The following TIMM9 variants were observed in gnomAD, a reference collection of about 807,000 sequenced individuals.
TIMM9 encodes mitochondrial import inner membrane translocase subunit Tim9.
A neutral mutation model predicts 13.4 loss-of-function variants in TIMM9; 10 were observed. That is an observed-to-expected ratio of 0.75 (90% confidence interval 0.46 to 1.26). The LOEUF (loss-of-function observed/expected upper bound fraction) is 1.26. Among genes scored for constraint, TIMM9 ranks in the 50% most tolerant of loss-of-function variants. The probability of loss-of-function intolerance (pLI) is 0.00; values close to 1 mark genes in which losing one functional copy is unlikely to be tolerated. For synonymous variants in TIMM9, 32 were observed against 32.1 expected (o/e 1.00, Z 0.01); for missense variants, 87 against 100.8 (o/e 0.86, Z 0.58).
chr14:58,420,822 A>G (rs369504217), intron 3 of TIMM9, among the ~76,000 whole-genome samples: 46 of 150,902 alleles, frequency 3.0e-4, no homozygotes, highest in African/African-American at 1.0e-3. Context: ...AACAAGCTAT[A>G]TACCTATCAG....
chr14:58,413,932 G>A lies in TIMM9; in HGVS notation c.-26-1961C>T, dbSNP rs371928742. Among the ~76,000 whole-genome samples the A allele has an allele frequency of 1.0e-3, 150 of 145,554 alleles. 2 individuals are homozygous for A. In the East Asian group the frequency reaches 0.019, roughly 18 times the overall value. ...TGAGGCAGAAGAATGGCGTGAACCC[G>A]GGAGGTGGAGCTTGCAGTGAGCCGA... On this transcript the variant is annotated intron_variant, in intron 3 of 5. Coordinates refer to ENST00000395159, the MANE Select transcript of TIMM9 (RefSeq NM_012460.4).
chr14:58,423,514 CAAAAAAAAAAA>C (rs398025245), intron 3 of TIMM9, among the ~76,000 whole-genome samples: 10 of 66,500 alleles, frequency 1.5e-4, no homozygotes, highest in East Asian at 1.0e-3. Flanking sequence ...GACTTTGTCT[CAAAAAAAAAAA>C]AAAAAAAAAA....
rs1381559108 is a variant in TIMM9, at chr14:58,427,144, C to CA, written c.-206dup. On this transcript the variant is annotated 5_prime_UTR_variant, in exon 2 of 6. Coordinates refer to ENST00000395159, the MANE Select transcript of TIMM9 (RefSeq NM_012460.4). ...TTGGGAGGGAGGGTCAGGGTCTGGA[C>CA]AGGAGCCGCGGCCGCCAGATGGGAA... The CA allele has an allele frequency of 5.8e-6, 1 of 170,998 alleles. No individual in the cohort carries two copies. The highest frequency in any genetic ancestry group is 1.3e-5 in the Non-Finnish European group (1 of 77,840). The allele number at this position is 170,998 out of a possible 1,614,324, so 10.6% of individuals were successfully genotyped here. A position where few individuals can be genotyped will look rare whatever the true frequency, so the allele number is the denominator to read the frequency against.
intron 3 of TIMM9, among the ~76,000 whole-genome samples, chr14:58,420,367 AAC>A (rs1177313326): frequency 6.6e-6 from 1 of 152,204 alleles, no homozygotes; most frequent in East Asian, 1.9e-4. Flanking sequence ...CAGCAGTAAA[AAC>A]ACAAACAATC....
At chr14:58,410,226 A>G (rs556557472) in intron 5 of TIMM9, among the ~76,000 whole-genome samples, 3 of 152,048 alleles carry the variant, frequency 2.0e-5, no homozygotes, top group East Asian at 3.9e-4. Context: ...ATGTACCAAC[A>G]TGTCTAGCTA....
chr14:58,423,053 C>T (rs1253392188), intron 3 of TIMM9, among the ~76,000 whole-genome samples: 1 of 151,944 alleles, frequency 6.6e-6, no homozygotes, highest in Non-Finnish European at 1.5e-5. Context: ...AATCCACCCA[C>T]CTCAGCCTCC....
intron 3 of TIMM9, among the ~76,000 whole-genome samples, chr14:58,417,120 A>T (rs1715881223): frequency 6.6e-6 from 1 of 152,152 alleles, no homozygotes; most frequent in Admixed American, 6.5e-5. Context: ...GCCTTCTGCC[A>T]TCCATGTAAG....
chr14:58,416,543 G>T lies in TIMM9; in HGVS notation c.-26-4572C>A, dbSNP rs1957945. ...ATAGCTACCTAAAATAATCGCTCAA[G>T]TTTCTAAACGAAGAAAATGATAAAA... is the stretch of plus-strand genomic sequence containing the variant. On this transcript the variant is annotated intron_variant, in intron 3 of 5. Transcript: ENST00000395159. Among the ~76,000 whole-genome samples the T allele has an allele frequency of 9.6e-3, 1,469 of 152,268 alleles. 23 individuals carry two copies. The highest frequency in any genetic ancestry group is 0.034 in the African/African-American group (1,397 of 41,550).
chr14:58,419,204 A>G (rs1002176790), intron 3 of TIMM9, among the ~76,000 whole-genome samples: 3 of 152,152 alleles, frequency 2.0e-5, no homozygotes, highest in African/African-American at 7.2e-5. Context: ...CTGTAATCCC[A>G]GCACTTTGGG....
At chr14:58,419,866 A>C (rs534562974) in intron 3 of TIMM9, among the ~76,000 whole-genome samples, 6 of 152,318 alleles carry the variant, frequency 3.9e-5, no homozygotes, top group Admixed American at 2.6e-4. Context: ...GCAGTGAGCC[A>C]AGATTGTGCC....
chr14:58,419,340 A>G (rs756235729), intron 3 of TIMM9, among the ~76,000 whole-genome samples: 2 of 151,932 alleles, frequency 1.3e-5, no homozygotes, highest in Non-Finnish European at 2.9e-5. Context: ...CTGTAGTCCC[A>G]GTTACCTGGG....
At chr14:58,412,204 G>A (rs552251612) in intron 3 of TIMM9, 45 of 357,288 alleles carry the variant, frequency 1.3e-4, no homozygotes, top group Admixed American at 2.5e-4. Flanking sequence ...GCGCAGTGGC[G>A]CCATCTTGGC....
intron 3 of TIMM9, among the ~76,000 whole-genome samples, chr14:58,416,090 T>C (rs1215794217): frequency 6.7e-6 from 1 of 148,762 alleles, no homozygotes; most frequent in Non-Finnish European, 1.5e-5. Flanking sequence ...CAGCTGGCCG[T>C]GGTGGCACAC....
chr14:58,423,779 A>G (rs1047710188), intron 3 of TIMM9: 1 of 152,218 alleles, frequency 6.6e-6, no homozygotes, highest in African/African-American at 2.4e-5. Context: ...TAGTTTCCAT[A>G]TATTACAGCA....
chr14:58,417,800 A>T (rs2036465448), intron 3 of TIMM9, among the ~76,000 whole-genome samples: 1 of 152,208 alleles, frequency 6.6e-6, no homozygotes, highest in South Asian at 2.1e-4. Flanking sequence ...GAAAAAAGAA[A>T]GAGCTAGTTC....
rs2036103394 is a variant in TIMM9, at chr14:58,408,502, C to T, written c.*532G>A. 1.2e-6 allele frequency: 2 copies of T among 1,603,442 alleles called. No homozygotes were observed. Among genetic ancestry groups the T allele is most frequent in the African/African-American group, 2.7e-5 (2 of 74,628 alleles). ...AAGGATCATGCATTGAAATGATTAGCAAGTAACTATTTTATGTATTCACCA... is the reference window on the plus strand; with the variant it reads ...AAGGATCATGCATTGAAATGATTAGTAAGTAACTATTTTATGTATTCACCA... On this transcript the variant is annotated 3_prime_UTR_variant, in exon 6 of 6. Transcript: ENST00000395159.
intron 3 of TIMM9, among the ~76,000 whole-genome samples, chr14:58,419,359 G>C (rs1180143483): frequency 1.3e-5 from 2 of 151,388 alleles, no homozygotes; most frequent in Middle Eastern, 3.4e-3. Context: ...GGAGTCTGAG[G>C]CAGGAGAATC....
At chr14:58,410,675 TAAACTC>T (rs1317972104) in intron 5 of TIMM9, among the ~76,000 whole-genome samples, 162 bp downstream of exon 5, 1 of 152,240 alleles carries the variant, frequency 6.6e-6, no homozygotes, top group Non-Finnish European at 1.5e-5. Context: ...TTGGCACTGT[TAAACTC>T]AATGCCGTGG....
At chr14:58,412,157 T>G (rs1595010683) in intron 3 of TIMM9, 186 bp from the exon 4 acceptor site, 2 of 494,204 alleles carry the variant, frequency 4.0e-6, no homozygotes, top group East Asian at 7.0e-5. Context: ...TTTCTTTTTT[T>G]TTTTGAGACG....
Sources: gnomAD v4.1 joint callset for allele counts (sites outside exome capture counted in the v4.1 genomes callset) on GRCh38, gnomAD v4.1.1 for gene constraint, MANE v1.5 for transcripts, NCBI Gene and HGNC (gene_info 2026-07-23, HGNC 2026-07-21) for gene names.